The following PPM1E variants were observed in gnomAD, a reference collection of about 807,000 sequenced individuals.
PPM1E encodes protein phosphatase, Mg2+/Mn2+ dependent 1E.
Under a neutral mutation model 65.9 loss-of-function variants are expected in PPM1E, and 20 were observed. The observed-to-expected ratio is 0.30, with a 90% CI of 0.21 to 0.44. PPM1E has a LOEUF of 0.44. PPM1E is among the 20% of genes least tolerant of loss of function. The pLI is 1.00. For synonymous variants in PPM1E, 352 were observed against 374.9 expected, an observed-to-expected ratio of 0.94 and a Z score of 0.70; for missense variants, 713 against 953.1, an observed-to-expected ratio of 0.75 and a Z score of 3.32.
chr17:58,841,324 G>A (rs1374511090), intron 1 of PPM1E, among the ~76,000 whole-genome samples: 2 of 152,088 alleles, frequency 1.3e-5, no homozygotes, highest in East Asian at 3.9e-4. Context: ...TGGAGAGTGG[G>A]AGGAAAGGAA....
intron 1 of PPM1E, among the ~76,000 whole-genome samples, chr17:58,859,306 G>A (rs999026796): frequency 6.6e-6 from 1 of 152,202 alleles, no homozygotes; most frequent in Admixed American, 6.5e-5. Context: ...AACAGAAGAT[G>A]CAGCTGCATG....
rs528567539 is a variant in PPM1E at position 58,966,385 on chromosome 17, TA to T, written c.783+500del. On this transcript the variant is annotated intron_variant, in intron 3 of 6. Coordinates refer to ENST00000308249, the MANE Select transcript of PPM1E (RefSeq NM_014906.5). Reference sequence around the variant, plus strand: ...AAAAAGAAAGAAAAGAAAAAACAATTAAAAAAAATTATATCTCAATAAAGCA... The same window carrying T: ...AAAAAGAAAGAAAAGAAAAAACAATTAAAAAAATTATATCTCAATAAAGCA... The T allele has an allele frequency of 2.0e-4, 37 of 181,162 alleles. No homozygotes were observed. In the East Asian group the frequency reaches 6.3e-3, roughly 31 times the overall value. 11.2% of individuals were successfully genotyped at this position (181,162 alleles called of 1,614,324 possible). A position where few individuals can be genotyped will look rare whatever the true frequency, so the allele number is the denominator to read the frequency against.
At chr17:58,970,296 GT>G (rs1381666825) in intron 4 of PPM1E, among the ~76,000 whole-genome samples, 1 of 151,946 alleles carries the variant, frequency 6.6e-6, no homozygotes, top group Non-Finnish European at 1.5e-5. Flanking sequence ...TCAGACCTAA[GT>G]TTTTTTTACT....
At chr17:58,971,909 C>T (rs1035823006) in intron 4 of PPM1E, among the ~76,000 whole-genome samples, 6 of 152,186 alleles carry the variant, frequency 3.9e-5, no homozygotes, top group African/African-American at 1.2e-4. Context: ...TAATCATCCT[C>T]GCCCTGCATA....
Position 58,932,326 on chromosome 17 carries a change from G to A in PPM1E, c.465-23323G>A, listed in dbSNP as rs188695787. On this transcript the variant is annotated intron_variant, in intron 1 of 6. Coordinates refer to ENST00000308249, the MANE Select transcript of PPM1E (RefSeq NM_014906.5). ...TCTACTAAAAATACAAAAATTAGCCGGGGATGGTGGTGCACACCTGTAATC... is the reference window on the plus strand; with the variant it reads ...TCTACTAAAAATACAAAAATTAGCCAGGGATGGTGGTGCACACCTGTAATC... 4.4e-4 allele frequency among the ~76,000 whole-genome samples: 67 copies of A among 152,090 alleles called. 1 individual carries two copies. The East Asian group carries it at 0.011, about 26-fold the overall frequency.
intron 1 of PPM1E, among the ~76,000 whole-genome samples, chr17:58,765,746 G>T (rs1486159673): frequency 6.6e-6 from 1 of 151,888 alleles, no homozygotes; most frequent in South Asian, 2.1e-4. Context: ...TTTTTTCCTG[G>T]TGACTTGATT....
chr17:58,762,625 C>A (rs1042306824), intron 1 of PPM1E, among the ~76,000 whole-genome samples: 3 of 151,768 alleles, frequency 2.0e-5, no homozygotes, highest in Non-Finnish European at 4.4e-5. Context: ...GGGCCGGGCG[C>A]GGTGGCTCAC....
intron 1 of PPM1E, among the ~76,000 whole-genome samples, chr17:58,867,896 A>C (rs2051023567): frequency 6.6e-6 from 1 of 152,110 alleles, no homozygotes; most frequent in Non-Finnish European, 1.5e-5. Context: ...CCTAACTGAA[A>C]AACTATAGGT....
At chr17:58,762,493 G>A (rs1267138089) in intron 1 of PPM1E, among the ~76,000 whole-genome samples, 1 of 151,946 alleles carries the variant, frequency 6.6e-6, no homozygotes, top group Non-Finnish European at 1.5e-5. Context: ...ACAAAATCAT[G>A]AGTTAAACAT....
chr17:58,816,768 A>T (rs1598588938), intron 1 of PPM1E, among the ~76,000 whole-genome samples: 6 of 32,924 alleles, frequency 1.8e-4, no homozygotes, highest in African/African-American at 5.9e-4. Flanking sequence ...ATATATATAT[A>T]TATATATATA....
At chr17:58,799,006 TA>T (rs1460631109) in intron 1 of PPM1E, among the ~76,000 whole-genome samples, 1 of 152,176 alleles carries the variant, frequency 6.6e-6, no homozygotes, top group East Asian at 1.9e-4. Flanking sequence ...TGTGTTTTCT[TA>T]TAGAAGTTTT....
chr17:58,925,311 C>A (rs1019834347), intron 1 of PPM1E, among the ~76,000 whole-genome samples: 1 of 151,452 alleles, frequency 6.6e-6, no homozygotes, highest in Non-Finnish European at 1.5e-5. Context: ...TTTTTTTTTG[C>A]GTTTCTCTAA....
At chr17:58,823,895 T>C (rs1334131218) in intron 1 of PPM1E, among the ~76,000 whole-genome samples, 1 of 151,978 alleles carries the variant, frequency 6.6e-6, no homozygotes, top group Non-Finnish European at 1.5e-5. Context: ...CACACCCGGC[T>C]AATTTTTTGT....
At chr17:58,785,283 T>TTTTATTTATTTATTTA (rs71143288) in intron 1 of PPM1E, 18 of 140,414 alleles carry the variant, frequency 1.3e-4, no homozygotes, top group African/African-American at 3.6e-4. Context: ...ATAATATAAC[T>TTTTATTTATTTATTTA]TTTATTTATT....
chr17:58,955,805 G>A, intron 2 of PPM1E, 38 bp downstream of exon 2: 1 of 1,553,082 alleles, frequency 6.4e-7, no homozygotes, highest in Admixed American at 2.3e-5. Context: ...AAAAATACTA[G>A]AATCTTCTAT....
chr17:58,771,134 C>A (rs141447701), intron 1 of PPM1E, among the ~76,000 whole-genome samples: 13 of 151,698 alleles, frequency 8.6e-5, no homozygotes, highest in African/African-American at 3.1e-4. Context: ...GGATTACAGG[C>A]GTGAGCCACC....
intron 1 of PPM1E, among the ~76,000 whole-genome samples, chr17:58,855,938 T>G (rs568395512): frequency 6.6e-6 from 1 of 152,254 alleles, no homozygotes; most frequent in South Asian, 2.1e-4. Context: ...TACAGATTTA[T>G]CAAAGAAATA....
At chr17:58,948,750 T>G (rs1484245884) in intron 1 of PPM1E, among the ~76,000 whole-genome samples, 1 of 152,264 alleles carries the variant, frequency 6.6e-6, no homozygotes. Flanking sequence ...GTCAATTTCC[T>G]TCTTAATTTC....
chr17:58,932,054 T>A, intron 1 of PPM1E, among the ~76,000 whole-genome samples: 1 of 152,098 alleles, frequency 6.6e-6, no homozygotes, highest in Non-Finnish European at 1.5e-5. Flanking sequence ...AGCAGGAAGA[T>A]TACTTGAGGC....
Sources: gnomAD v4.1 joint callset for allele counts (sites outside exome capture counted in the v4.1 genomes callset) on GRCh38, gnomAD v4.1.1 for gene constraint, MANE v1.5 for transcripts, NCBI Gene and HGNC (gene_info 2026-07-23, HGNC 2026-07-21) for gene names.